CCNC: variants seen among roughly 807,000 people sequenced by gnomAD.
CCNC encodes cyclin C, also known as cyclin-C.
Under a neutral mutation model 50.0 loss-of-function variants are expected in CCNC, and 19 were observed. That is an observed-to-expected ratio of 0.38 (90% CI 0.27 to 0.56). The LOEUF is 0.56. CCNC is among the 20% of genes least tolerant of loss of function. The pLI, the probability that CCNC is intolerant of heterozygous loss-of-function variation, is 0.72. For missense variants in CCNC, 200 were observed against 327.1 expected, an observed-to-expected ratio of 0.61 and a Z score of 3.00; for synonymous variants, 93 against 103.7, an observed-to-expected ratio of 0.90 and a Z score of 0.63.
chr6:99,551,267 T>G (rs911452882), intron 6 of CCNC, among the ~76,000 whole-genome samples: 1 of 152,140 alleles, frequency 6.6e-6, no homozygotes, highest in Non-Finnish European at 1.5e-5. Context: ...AAAGCCAGCT[T>G]CTCACAATCA....
At chr6:99,568,392 G>C in intron 1 of CCNC, 104 bp downstream of exon 1, 1 of 1,143,280 alleles carries the variant, frequency 8.7e-7, no homozygotes, top group Non-Finnish European at 1.3e-6. Context: ...GAGGACCCCG[G>C]CACTCGGAAC....
rs766105726 is a variant in CCNC at position 99,562,854 on chromosome 6, A to G, written c.127T>C (p.Phe43Leu). ...SEEEYWKLQI[F>L]FTNVIQALGE... ...TAAAAAAGTTTACCATTTGTAAAAA[A>G]TATTTGTAACTTCCAATATTCTTCC... is the stretch of plus-strand genomic sequence containing the variant. Residue 43 changes from phenylalanine (F) to leucine (L), a missense_variant, in exon 2 of 12, where the codon TTT becomes CTT. Phe to Leu is a conservative substitution (Grantham distance 22, BLOSUM62 0). Transcript: ENST00000520429. 30 of 1,581,824 alleles carry G rather than the reference A, an allele frequency of 1.9e-5. No individual in the cohort carries two copies. The highest frequency in any genetic ancestry group is 2.6e-5 in the Non-Finnish European group (30 of 1,159,490).
chr6:99,563,266 T>C (rs1768929864), intron 1 of CCNC, among the ~76,000 whole-genome samples: 1 of 152,232 alleles, frequency 6.6e-6, no homozygotes, highest in African/African-American at 2.4e-5. Context: ...GCAGCATGTT[T>C]ATTCTTTCTT....
chr6:99,550,528 C>T (rs1043460522), intron 7 of CCNC: 1 of 438,450 alleles, frequency 2.3e-6, no homozygotes, highest in Non-Finnish European at 4.0e-6. Flanking sequence ...CTTGATAAAT[C>T]GGTTGGCAGT....
intron 1 of CCNC, among the ~76,000 whole-genome samples, chr6:99,566,205 C>T (rs1345991884): frequency 6.6e-6 from 1 of 151,878 alleles, no homozygotes; most frequent in African/African-American, 2.4e-5. Flanking sequence ...TTTTTATTTA[C>T]TCTAAGAATT....
At chr6:99,565,775 A>G (rs1450153617) in intron 1 of CCNC, among the ~76,000 whole-genome samples, 1 of 151,978 alleles carries the variant, frequency 6.6e-6, no homozygotes, top group Non-Finnish European at 1.5e-5. Context: ...AATATTGACT[A>G]TATTTCTATA....
chr6:99,562,909 C>T lies in CCNC; in HGVS notation c.72G>A (p.Glu24=), dbSNP rs746042587. The T allele has an allele frequency of 3.1e-6, 5 of 1,606,206 alleles. No individual in the cohort carries two copies. Among genetic ancestry groups the T allele is most frequent in the Middle Eastern group, 3.3e-4 (2 of 6,070 alleles). The part of the protein sequence containing the change: ...WILDKQDLLK[E]RQKDLKFLSE... The stretch of plus-strand genomic sequence containing the variant: ...AGAGAAACTTTAAATCCTTTTGGCG[C>T]TCCTTCAACAGATCTTGTTTATCCA... The change falls in exon 2 of 12, where the codon GAG becomes GAA. Residue 24 remains glutamate, a synonymous_variant. Transcript: ENST00000520429.
At chr6:99,568,130 C>T (rs1476666752) in intron 1 of CCNC, 1 of 277,412 alleles carries the variant, frequency 3.6e-6, no homozygotes, top group East Asian at 8.4e-5. Context: ...CCACAACTGT[C>T]CTGAACAGGT....
intron 5 of CCNC, among the ~76,000 whole-genome samples, chr6:99,555,818 A>G (rs990209827): frequency 2.0e-5 from 3 of 152,196 alleles, no homozygotes; most frequent in Non-Finnish European, 4.4e-5. Context: ...TTCTACTAAC[A>G]TATTTATACT....
At chr6:99,549,933 ATTACT>A (rs1393388558) in intron 8 of CCNC, among the ~76,000 whole-genome samples, 5 of 147,328 alleles carry the variant, frequency 3.4e-5, no homozygotes, top group African/African-American at 1.0e-4. Context: ...AAGTATTCTG[ATTACT>A]TTAAAGATAA....
chr6:99,568,255 G>C, intron 1 of CCNC: 1 of 565,944 alleles, frequency 1.8e-6, no homozygotes, highest in South Asian at 2.2e-5. Flanking sequence ...GTTCCTTCCC[G>C]GGAGACGAAA....
In CCNC at chr6:99,549,572, C is replaced by T; in HGVS notation, c.534G>A (p.Arg178=). 1.3e-6 allele frequency: 2 copies of T among 1,581,442 alleles called. No homozygotes were observed. Among genetic ancestry groups the T allele is most frequent in the Middle Eastern group, 1.7e-4 (1 of 5,936 alleles). Residue 178 remains arginine (R), a synonymous_variant, in exon 9 of 12, where the codon AGG becomes AGA. Transcript: ENST00000520429. Reference sequence around the variant, plus strand: ...CCGTTCTGTAGGTATCATTCACTATCCTCCTATAGAAATGTAAATCATATT... The same window carrying T: ...CCGTTCTGTAGGTATCATTCACTATTCTCCTATAGAAATGTAAATCATATT... ...QEDMLLPLAW[R]IVNDTYRTDL... is the part of the protein sequence containing the mutation.
intron 6 of CCNC, 94 bp downstream of exon 6, chr6:99,551,746 C>T (rs924190967): frequency 9.6e-6 from 7 of 732,712 alleles, no homozygotes; most frequent in Non-Finnish European, 1.2e-5. Flanking sequence ...TTGAAACTGC[C>T]ATTTCTAGGA....
At chr6:99,548,540 T>C (rs330810) in intron 9 of CCNC, among the ~76,000 whole-genome samples, 130,223 of 152,216 alleles carry the variant, frequency 0.86, 56,411 homozygotes, top group East Asian at 0.99. Context: ...GGGGCTGGGG[T>C]GCAGTGGCTC....
intron 5 of CCNC, chr6:99,557,179 T>G (rs1190182994): frequency 6.6e-6 from 1 of 152,214 alleles, no homozygotes; most frequent in African/African-American, 2.4e-5. Context: ...TGAAACAATC[T>G]TTTCCCACCC....
upstream of CCNC, chr6:99,568,811 A>G: frequency 1.1e-6 from 1 of 886,854 alleles, no homozygotes; most frequent in Non-Finnish European, 1.5e-6. Flanking sequence ...CTGAGATTGA[A>G]GAGAACTAGT....
At position 99,554,210 on chromosome 6, in the gene CCNC, C is replaced by T. The variant is rs111485341; in HGVS notation, c.347-2315G>A. On this transcript the variant is annotated intron_variant, in intron 5 of 11. Coordinates refer to ENST00000520429, the MANE Select transcript of CCNC (RefSeq NM_005190.4). The stretch of plus-strand genomic sequence containing the variant: ...AATGGGTTTTTGACAGGAAGACCAC[C>T]GAGATAAAGTACCATCTTCATCATA... 2.1e-3 allele frequency among the ~76,000 whole-genome samples: 317 copies of T among 152,120 alleles called. 3 individuals are homozygous for T. The highest frequency in any genetic ancestry group is 6.2e-3 in the African/African-American group (259 of 41,512).
intron 5 of CCNC, among the ~76,000 whole-genome samples, chr6:99,554,962 A>T (rs1054285188): frequency 6.6e-6 from 1 of 152,224 alleles, no homozygotes; most frequent in Non-Finnish European, 1.5e-5. Context: ...TCTATATTGT[A>T]TTAAGGTACA....
chr6:99,554,986 T>A (rs1403760996), intron 5 of CCNC, among the ~76,000 whole-genome samples: 1 of 152,212 alleles, frequency 6.6e-6, no homozygotes, highest in African/African-American at 2.4e-5. Context: ...GTTCATGCTG[T>A]TTCCAGCCCT....
Sources: allele counts gnomAD v4.1 joint callset (sites outside exome capture counted in the v4.1 genomes callset), GRCh38; gene constraint gnomAD v4.1.1; transcripts MANE v1.5; gene names NCBI Gene and HGNC (gene_info 2026-07-23, HGNC 2026-07-21).